The following PSD3 variants were observed in gnomAD, a reference collection of about 807,000 sequenced individuals.
PSD3 encodes pleckstrin and Sec7 domain containing 3.
PSD3 carries 49 observed loss-of-function variants against 105.5 expected under a neutral mutation model. The observed-to-expected ratio is 0.46, with a 90% CI of 0.37 to 0.59. PSD3 has a LOEUF of 0.59. PSD3 is among the 20% of genes least tolerant of loss of function. The probability of loss-of-function intolerance (pLI) is 0.00; values close to 1 mark genes in which losing one functional copy is unlikely to be tolerated. For synonymous variants in PSD3, 557 were observed against 457.8 expected (o/e 1.22, Z -2.77); for missense variants, 1,561 against 1,263.8 (o/e 1.24, Z -3.57).
At chr8:18,944,574 AT>A (rs1822745962) in intron 1 of PSD3, among the ~76,000 whole-genome samples, 1 of 2,986 alleles carries the variant, frequency 3.3e-4, no homozygotes, top group Non-Finnish European at 0.019. Flanking sequence ...CCATCTCAAA[AT>A]AAATAAATAA....
chr8:18,773,395 A>G (rs1452355536), intron 8 of PSD3, among the ~76,000 whole-genome samples: 1 of 152,130 alleles, frequency 6.6e-6, no homozygotes, highest in Non-Finnish European at 1.5e-5. Context: ...TAGCTTTGTA[A>G]TATGTTTAAA....
intron 11 of PSD3, among the ~76,000 whole-genome samples, chr8:18,621,397 GAC>G (rs1407760844): frequency 6.6e-6 from 1 of 152,210 alleles, no homozygotes; most frequent in Non-Finnish European, 1.5e-5. Context: ...AACAGAGTGA[GAC>G]ACCGTCTCAG....
chr8:18,858,079 G>C (rs556627382), intron 4 of PSD3, among the ~76,000 whole-genome samples: 1 of 152,070 alleles, frequency 6.6e-6, no homozygotes, highest in Admixed American at 6.5e-5. Flanking sequence ...AAAAATGAAG[G>C]CTCTGCTAAC....
intron 1 of PSD3, among the ~76,000 whole-genome samples, chr8:19,022,518 A>G (rs1332354614): frequency 6.6e-6 from 1 of 152,218 alleles, no homozygotes; most frequent in Non-Finnish European, 1.5e-5. Flanking sequence ...GATCCCATCC[A>G]CATAGCAAGG....
chr8:18,549,008 C>T (rs1585217320), intron 15 of PSD3, among the ~76,000 whole-genome samples: 1 of 152,234 alleles, frequency 6.6e-6, no homozygotes, highest in East Asian at 1.9e-4. Context: ...TCCTACACGT[C>T]TCAGGGAGCC....
intron 2 of PSD3, among the ~76,000 whole-genome samples, chr8:18,903,085 C>A (rs1291702225): frequency 6.6e-6 from 1 of 152,054 alleles, no homozygotes; most frequent in Non-Finnish European, 1.5e-5. Flanking sequence ...ATGTAAGTTG[C>A]CCCCGGAACC....
At chr8:18,735,448 C>CCCTAGGAT (rs1804083534) in intron 9 of PSD3, among the ~76,000 whole-genome samples, 1 of 152,136 alleles carries the variant, frequency 6.6e-6, no homozygotes, top group Non-Finnish European at 1.5e-5. Context: ...ACACACTACT[C>CCCTAGGAT]CCTAGGATAA....
At chr8:18,891,706 A>G (rs1421924307) in intron 2 of PSD3, among the ~76,000 whole-genome samples, 5 of 152,100 alleles carry the variant, frequency 3.3e-5, no homozygotes, top group African/African-American at 9.7e-5. Flanking sequence ...AGTGATCTCC[A>G]TAAGCATTCC....
chr8:18,655,933 G>A (rs1375275264), intron 9 of PSD3, among the ~76,000 whole-genome samples: 1 of 152,190 alleles, frequency 6.6e-6, no homozygotes, highest in Non-Finnish European at 1.5e-5. Context: ...GCACAGTACT[G>A]TACTACATTT....
chr8:18,848,876 G>A (rs1317144466), intron 4 of PSD3, among the ~76,000 whole-genome samples: 2 of 152,066 alleles, frequency 1.3e-5, no homozygotes, highest in South Asian at 4.1e-4. Flanking sequence ...CATTTCAAGC[G>A]GATACTTCTT....
chr8:18,752,608 A>ATAATT (rs1563225764), intron 9 of PSD3, among the ~76,000 whole-genome samples: 14 of 66,368 alleles, frequency 2.1e-4, no homozygotes, highest in Non-Finnish European at 3.2e-4. Context: ...TATTATATAT[A>ATAATT]ATACATATAA....
At chr8:18,575,514 A>C (rs1585281680) in intron 12 of PSD3, among the ~76,000 whole-genome samples, 3 of 152,314 alleles carry the variant, frequency 2.0e-5, no homozygotes, top group African/African-American at 7.2e-5. Context: ...TTTTTTTAAA[A>C]ATCAGTTTTT....
chr8:18,661,519 C>T (rs568808784), intron 9 of PSD3, among the ~76,000 whole-genome samples: 14 of 152,196 alleles, frequency 9.2e-5, no homozygotes, highest in Non-Finnish European at 1.8e-4. Context: ...TGGTCTTCAA[C>T]TTCTACTATC....
chr8:18,715,953 G>A (rs1802558948), intron 9 of PSD3, among the ~76,000 whole-genome samples: 10 of 152,192 alleles, frequency 6.6e-5, no homozygotes, highest in Admixed American at 6.5e-4. Flanking sequence ...TGAGGGAGCT[G>A]GCTAACAAAG....
At position 18,737,579 on chromosome 8, in the gene PSD3, G is replaced by A. The variant is rs374318769; in HGVS notation, c.2172+27870C>T. On this transcript the variant is annotated intron_variant, in intron 9 of 15. Transcript: ENST00000327040. ...GGCCTCCCAGAGTGCTGGGATTACAGGTGTGAGTCACTACGCTTGGCCTCT... is the reference window on the plus strand; with the variant it reads ...GGCCTCCCAGAGTGCTGGGATTACAAGTGTGAGTCACTACGCTTGGCCTCT... Among the ~76,000 whole-genome samples, 3 of 152,256 alleles carry A rather than the reference G, an allele frequency of 2.0e-5. No homozygotes were observed. In the South Asian group the frequency reaches 6.2e-4, roughly 32 times the overall value.
intron 4 of PSD3, among the ~76,000 whole-genome samples, chr8:18,825,414 C>G (rs564698603): frequency 6.6e-6 from 1 of 152,234 alleles, no homozygotes; most frequent in South Asian, 2.1e-4. Context: ...GGGTGCAACC[C>G]GGTTTGAGAA....
rs750035153 is a variant in PSD3, at chr8:18,535,811, T to C, written c.3076A>G (p.Lys1026Glu). The C allele has an allele frequency of 6.2e-6, 10 of 1,614,076 alleles. No homozygotes were observed. The highest frequency in any genetic ancestry group is 8.5e-6 in the Non-Finnish European group (10 of 1,180,032). The change falls in exon 16 of 16, where the codon AAG (lysine) becomes GAG (glutamate). Residue 1026 changes from lysine to glutamate, a missense_variant. Physicochemically the swap from Lys to Glu is moderately conservative, Grantham distance 56 (BLOSUM62 1). Transcript: ENST00000327040. The stretch of plus-strand genomic sequence containing the variant: ...TCCTTCCTCTCTGACACGTTACGCT[T>C]GACTTTGGCAGTGATTGGAGAAGTA... ...PDTSPITAKV[K>E]RNVSERKDHR...
chr8:18,920,949 G>A (rs899188307), intron 2 of PSD3, among the ~76,000 whole-genome samples: 1 of 152,122 alleles, frequency 6.6e-6, no homozygotes, highest in Non-Finnish European at 1.5e-5. Flanking sequence ...AGTGACTCCA[G>A]AATCTCTGCG....
At chr8:18,596,670 A>C (rs1804123855) in intron 12 of PSD3, among the ~76,000 whole-genome samples, 1 of 152,106 alleles carries the variant, frequency 6.6e-6, no homozygotes, top group Admixed American at 6.6e-5. Flanking sequence ...CATAAACTAA[A>C]AGGATTCTAA....
Sources: gnomAD v4.1 joint callset for allele counts (sites outside exome capture counted in the v4.1 genomes callset) on GRCh38, gnomAD v4.1.1 for gene constraint, MANE v1.5 for transcripts, NCBI Gene and HGNC (gene_info 2026-07-23, HGNC 2026-07-21) for gene names.